CYP17A1: variants seen among roughly 807,000 people sequenced by gnomAD.
CYP17A1 encodes steroid 17-alpha-hydroxylase/17,20 lyase.
CYP17A1 carries 27 observed loss-of-function variants against 38.5 expected under a neutral mutation model. The observed-to-expected ratio is 0.70, with a 90% CI of 0.52 to 0.97. The LOEUF (loss-of-function observed/expected upper bound fraction) is 0.97. Among genes scored for constraint, CYP17A1 ranks in the 50% least tolerant of loss-of-function variants. The pLI is 0.00. For missense variants in CYP17A1, 549 were observed against 645.9 expected (o/e 0.85, Z 1.63); for synonymous variants, 263 against 253.3 (o/e 1.04, Z -0.36).
chr10:102,836,321 G>A (rs547457988), intron 1 of CYP17A1, among the ~76,000 whole-genome samples: 1 of 152,030 alleles, frequency 6.6e-6, no homozygotes, highest in Non-Finnish European at 1.5e-5. Flanking sequence ...AGCGGGCATG[G>A]TGGCATGCTC....
At chr10:102,835,190 T>A (rs1377467049) in intron 2 of CYP17A1, 64 bp downstream of exon 2, 3 of 1,467,750 alleles carry the variant, frequency 2.0e-6, no homozygotes, top group Admixed American at 1.7e-5. Flanking sequence ...TGCCCAACCC[T>A]CCTCTCCCTC....
chr10:102,836,248 G>A (rs927316008), intron 1 of CYP17A1, among the ~76,000 whole-genome samples: 1 of 152,058 alleles, frequency 6.6e-6, no homozygotes, highest in African/African-American at 2.4e-5. Flanking sequence ...CACGAGGTCA[G>A]GAGATCGAGA....
At chr10:102,832,103 C>T (rs1844097723) in intron 6 of CYP17A1, among the ~76,000 whole-genome samples, 1 of 151,580 alleles carries the variant, frequency 6.6e-6, no homozygotes, top group African/African-American at 2.4e-5. Flanking sequence ...AGACAGAGTC[C>T]CGCTCTGTCA....
At position 102,830,742 on chromosome 10, in the gene CYP17A1, C is replaced by A. The variant is rs763398879; in HGVS notation, c.1487G>T (p.Arg496Leu). 1 of 1,602,422 alleles carries A rather than the reference C, an allele frequency of 6.2e-7. No homozygotes were observed. Among genetic ancestry groups the A allele is most frequent in the South Asian group, 1.1e-5 (1 of 89,886 alleles). ...IDSFKVKIKV[R>L]QAWREAQAEG... ...AGCCTGGGCTTCCCTCCAGGCCTGGCGCACCTTGATCTTCACTTTGAAAGA... is the reference window on the plus strand; with the variant it reads ...AGCCTGGGCTTCCCTCCAGGCCTGGAGCACCTTGATCTTCACTTTGAAAGA... Residue 496 changes from arginine to leucine, a missense_variant, in exon 8 of 8, where the codon CGC becomes CTC. Transcript: ENST00000369887. The surrounding 1 kb of genome is among the most constrained non-coding windows in gnomAD (Gnocchi z 4.1).
rs1026422207 is a variant in CYP17A1 at position 102,835,091 on chromosome 10, A to G, written c.437-77T>C. The stretch of plus-strand genomic sequence containing the variant: ...CTCTCTGTACCAGTTGCCTCTTAAC[A>G]GGAGCGGGGGACAGATAGCAGATGG... On this transcript the variant is annotated intron_variant, in intron 2 of 7. Coordinates refer to ENST00000369887, the MANE Select transcript of CYP17A1 (RefSeq NM_000102.4). 1.8e-5 allele frequency: 20 copies of G among 1,138,408 alleles called. No individual in the cohort carries two copies. In the East Asian group the frequency reaches 1.9e-4, roughly 11 times the overall value. 70.5% of individuals were successfully genotyped at this position (1,138,408 alleles called of 1,614,324 possible).
At chr10:102,836,924 C>G in intron 1 of CYP17A1, 141 bp downstream of exon 1, 1 of 741,212 alleles carries the variant, frequency 1.3e-6, no homozygotes. Context: ...AAGGTTCACT[C>G]CCTTCACATC....
intron 4 of CYP17A1, 39 bp downstream of exon 4, chr10:102,833,997 T>G (rs1481525947): frequency 1.1e-6 from 1 of 887,156 alleles, no homozygotes; most frequent in African/African-American, 1.6e-5. Context: ...TGTGATTACT[T>G]TTAGCCTAAC....
rs1564778429 is a variant in CYP17A1, at chr10:102,833,217, G to A, written c.754-9C>T. 1.9e-6 allele frequency: 3 copies of A among 1,614,046 alleles called. No homozygotes were observed. The highest frequency in any genetic ancestry group is 2.2e-5 in the South Asian group (2 of 91,038). On this transcript the variant is annotated splice_polypyrimidine_tract_variant and intron_variant, in intron 4 of 7. Coordinates refer to ENST00000369887, the MANE Select transcript of CYP17A1 (RefSeq NM_000102.4). ...TCACTCCGGAATTTCTCCTGGGTTG[G>A]GTGAGGTTGGGAGACATTAATAAGG...
At chr10:102,832,216 G>A (rs537441301) in intron 6 of CYP17A1, among the ~76,000 whole-genome samples, 2 of 152,300 alleles carry the variant, frequency 1.3e-5, no homozygotes, top group East Asian at 3.9e-4. Flanking sequence ...TGGGACTACA[G>A]GCACGCGCCA....
Position 102,836,676 on chromosome 10 carries a change from A to G in CYP17A1, c.297+389T>C, listed in dbSNP as rs571982232. 1.7e-5 allele frequency: 4 copies of G among 234,590 alleles called. No individual in the cohort carries two copies. In the South Asian group the frequency reaches 2.7e-4, roughly 16 times the overall value. The allele number at this position is 234,590 out of a possible 1,614,324, so 14.5% of individuals were successfully genotyped here. Reference sequence around the variant, plus strand: ...TAGTCACTGCCCCCATTTTCCATGAAAAGTAACATGAATCCTGGCTGTATA... The same window carrying G: ...TAGTCACTGCCCCCATTTTCCATGAGAAGTAACATGAATCCTGGCTGTATA... On this transcript the variant is annotated intron_variant, in intron 1 of 7. Transcript: ENST00000369887.
In CYP17A1 at chr10:102,831,108, A is replaced by T. The variant is rs562963192; in HGVS notation, c.1244-123T>A. The T allele has an allele frequency of 3.2e-5, 14 of 438,984 alleles. No homozygotes were observed. The Admixed American group carries it at 3.5e-4, about 11-fold the overall frequency. The allele number at this position is 438,984 out of a possible 1,614,324, so 27.2% of individuals were successfully genotyped here. Reference sequence around the variant, plus strand: ...AACCCTGATCTGAGGATGTAGCCTTATTATGGGGGAACCCCCGCCTGGGGA... The same window carrying T: ...AACCCTGATCTGAGGATGTAGCCTTTTTATGGGGGAACCCCCGCCTGGGGA... On this transcript the variant is annotated intron_variant, in intron 7 of 7. Transcript: ENST00000369887.
intron 6 of CYP17A1, 86 bp from the exon 7 acceptor site, chr10:102,831,697 G>T: frequency 1.3e-6 from 2 of 1,580,548 alleles, no homozygotes; most frequent in Non-Finnish European, 1.7e-6. Context: ...TTCTTCCGCC[G>T]TGAGGAAAAT....
intron 1 of CYP17A1, among the ~76,000 whole-genome samples, chr10:102,836,319 T>C (rs2134084913): frequency 6.6e-6 from 1 of 151,890 alleles, no homozygotes; most frequent in Non-Finnish European, 1.5e-5. Flanking sequence ...TTAGCGGGCA[T>C]GGTGGCATGC....
In CYP17A1 at chr10:102,837,002, C is replaced by T. The variant is rs894343961; in HGVS notation, c.297+63G>A. Reference sequence around the variant, plus strand: ...CTGGAAGCCCCATTCTAGGCATGGTCTGAAGACCTGAACAATCCCAGGGGG... The same window carrying T: ...CTGGAAGCCCCATTCTAGGCATGGTTTGAAGACCTGAACAATCCCAGGGGG... On this transcript the variant is annotated intron_variant, in intron 1 of 7. Transcript: ENST00000369887. 4.2e-6 allele frequency: 4 copies of T among 945,310 alleles called. No individual in the cohort carries two copies. In the Admixed American group the frequency reaches 5.1e-5, roughly 12 times the overall value. 58.6% of individuals were successfully genotyped at this position (945,310 alleles called of 1,614,324 possible).
rs370691127 is a variant in CYP17A1, at chr10:102,837,402, T to C, written c.-41A>G. ...GCAGGCAAGATAGACAGCAGTGGAG[T>C]AGAAGAGCTGTGGCAACTCTAGGGC... On this transcript the variant is annotated 5_prime_UTR_variant, in exon 1 of 8. Coordinates refer to ENST00000369887, the MANE Select transcript of CYP17A1 (RefSeq NM_000102.4). 64 of 1,307,642 alleles carry C rather than the reference T, an allele frequency of 4.9e-5. No homozygotes were observed. In the South Asian group the frequency reaches 6.2e-4, roughly 13 times the overall value. The allele number at this position is 1,307,642 out of a possible 1,614,324, so 81.0% of individuals were successfully genotyped here.
intron 6 of CYP17A1, among the ~76,000 whole-genome samples, chr10:102,832,068 T>A (rs1365331953): frequency 6.6e-6 from 1 of 151,742 alleles, no homozygotes; most frequent in Non-Finnish European, 1.5e-5. Context: ...GATTTTTATA[T>A]TTAATTAATT....
intron 3 of CYP17A1, chr10:102,834,471 C>T (rs879934290): frequency 2.5e-5 from 14 of 556,568 alleles, no homozygotes; most frequent in Non-Finnish European, 4.6e-5. Flanking sequence ...CTCACCTGCA[C>T]AATGGGGATA....
chr10:102,833,969 T>C, intron 4 of CYP17A1, 67 bp downstream of exon 4: 1 of 818,374 alleles, frequency 1.2e-6, no homozygotes, highest in Non-Finnish European at 2.2e-6. Context: ...GTGTGTAGAA[T>C]GGACTCCACC....
chr10:102,834,027 A>G lies in CYP17A1; in HGVS notation c.753+9T>C, dbSNP rs370389694. 2 of 1,015,100 alleles carry G rather than the reference A, an allele frequency of 2.0e-6. No homozygotes were observed. Among genetic ancestry groups the G allele is most frequent in the South Asian group, 2.5e-5 (2 of 79,290 alleles). 62.9% of individuals were successfully genotyped at this position (1,015,100 alleles called of 1,614,324 possible). Reference sequence around the variant, plus strand: ...CCTAACTCATATTCTCTTCTGCTCTATCACCTACCTTGTAATTTTCAAGTA... The same window carrying G: ...CCTAACTCATATTCTCTTCTGCTCTGTCACCTACCTTGTAATTTTCAAGTA... On this transcript the variant is annotated intron_variant, in intron 4 of 7. Transcript: ENST00000369887.
Sources: gnomAD v4.1 joint callset for allele counts (sites outside exome capture counted in the v4.1 genomes callset) on GRCh38, gnomAD v4.1.1 for gene constraint, Gnocchi (gnomAD v3.1) non-coding constraint, MANE v1.5 for transcripts, NCBI Gene and HGNC (gene_info 2026-07-23, HGNC 2026-07-21) for gene names.